Variants in CEMIP observed in about 807,000 individuals in gnomAD.
CEMIP encodes cell migration inducing hyaluronidase 1.
Under a neutral mutation model 156.9 loss-of-function variants are expected in CEMIP, and 105 were observed. The ratio of observed to expected loss-of-function variants is 0.67; its 90% CI spans 0.57 to 0.79. The LOEUF is 0.79. Ranked by LOEUF, CEMIP falls within the 30% of genes least tolerant of loss-of-function variation. The pLI is 0.00. For missense variants in CEMIP, 1,457 were observed against 1,769.4 expected (o/e 0.82, Z 3.17); for synonymous variants, 676 against 668.4 (o/e 1.01, Z -0.17).
chr15:80,920,981 G>T, intron 15 of CEMIP, 51 bp from the exon 16 acceptor site: 1 of 1,508,696 alleles, frequency 6.6e-7, no homozygotes, highest in South Asian at 1.1e-5. Context: ...GTGGCAGGAT[G>T]ACCCCTGGCG....
intron 1 of CEMIP, among the ~76,000 whole-genome samples, chr15:80,823,133 C>T (rs1414334157): frequency 2.0e-5 from 3 of 152,218 alleles, no homozygotes; most frequent in Non-Finnish European, 4.4e-5. Flanking sequence ...AACAGGGTTT[C>T]AGGAAGGGAA....
chr15:80,895,085 C>T lies in CEMIP; in HGVS notation c.1182C>T (p.Cys394=), dbSNP rs141169955. The T allele has an allele frequency of 2.5e-6, 4 of 1,614,090 alleles. No individual in the cohort carries two copies. Among genetic ancestry groups the T allele is most frequent in the African/African-American group, 2.7e-5 (2 of 74,930 alleles). ...CTTGCTACGACCGGGGCAGAGCCTGCCGGAGCTACCGTGTACGGTTCCTCT... is the reference window on the plus strand; with the variant it reads ...CTTGCTACGACCGGGGCAGAGCCTGTCGGAGCTACCGTGTACGGTTCCTCT... ...RFACYDRGRA[C]RSYRVRFLCG... is the part of the protein sequence containing the mutation. Residue 394 remains cysteine, a synonymous_variant, in exon 11 of 30, where the codon TGC becomes TGT. Coordinates refer to ENST00000394685, the MANE Select transcript of CEMIP (RefSeq NM_001293298.2).
At chr15:80,820,637 G>A (rs781235989) in intron 1 of CEMIP, among the ~76,000 whole-genome samples, 2 of 152,164 alleles carry the variant, frequency 1.3e-5, no homozygotes, top group Non-Finnish European at 2.9e-5. Flanking sequence ...CTGTAAAAGG[G>A]GGTAATAATA....
At chr15:80,882,751 CACACAT>C (rs1284059406) in intron 6 of CEMIP, among the ~76,000 whole-genome samples, 1 of 111,444 alleles carries the variant, frequency 9.0e-6, no homozygotes, top group Non-Finnish European at 2.3e-5. Flanking sequence ...AGCGCATGCA[CACACAT>C]ACACACACAC....
intron 1 of CEMIP, among the ~76,000 whole-genome samples, chr15:80,823,651 C>A (rs541893919): frequency 1.3e-5 from 2 of 152,290 alleles, no homozygotes; most frequent in South Asian, 4.1e-4. Context: ...CCCAACTCAA[C>A]CCTGATGGTG....
In CEMIP at chr15:80,920,093, G is replaced by C; in HGVS notation, c.1798-1G>C. On this transcript the variant is annotated splice_acceptor_variant, in intron 14 of 29. Coordinates refer to ENST00000394685, the MANE Select transcript of CEMIP (RefSeq NM_001293298.2). LOFTEE classifies it high-confidence loss of function. ...AAACACCCCTGTCTTGACCCCTGCA[G>C]ATCAAGGACGTTGTGGGCTATAACT... 6.2e-7 allele frequency: 1 copy of C among 1,614,242 alleles called. No homozygotes were observed. Among genetic ancestry groups the C allele is most frequent in the African/African-American group, 1.3e-5 (1 of 75,074 alleles).
At position 80,909,145 on chromosome 15, in the gene CEMIP, C is replaced by A; in HGVS notation, c.1636C>A (p.His546Asn). The change falls in exon 14 of 30, where the codon CAT becomes AAT. Residue 546 changes from histidine (H) to asparagine (N), a missense_variant. His to Asn is a moderately conservative substitution (Grantham distance 68). Transcript: ENST00000394685. ...ACACTTGGAGGGCACGGAGCTGAAG[C>A]ATATGGGACAGCAGCTGGTGGGTCA... is the stretch of plus-strand genomic sequence containing the variant. ...AAHLEGTELK[H>N]MGQQLVGQYP... 6.2e-7 allele frequency: 1 copy of A among 1,614,162 alleles called. No individual in the cohort carries two copies. The highest frequency in any genetic ancestry group is 1.1e-5 in the South Asian group (1 of 91,080).
chr15:80,936,524 G>T, intron 23 of CEMIP, 150 bp from the exon 24 acceptor site: 1 of 749,032 alleles, frequency 1.3e-6, no homozygotes, highest in Non-Finnish European at 2.4e-6. Flanking sequence ...CCCCTTATTT[G>T]GCCTTTCTTT....
intron 14 of CEMIP, among the ~76,000 whole-genome samples, chr15:80,915,811 C>T (rs915088467): frequency 2.7e-5 from 4 of 149,442 alleles, no homozygotes; most frequent in Admixed American, 1.4e-4. Context: ...TTCTTCCACC[C>T]AGTTTTAATC....
intron 4 of CEMIP, among the ~76,000 whole-genome samples, 153 bp from the exon 5 acceptor site, chr15:80,879,563 T>C (rs568254666): frequency 9.2e-5 from 14 of 152,280 alleles, no homozygotes; most frequent in African/African-American, 3.4e-4. Context: ...TGACTTTACT[T>C]GTAAGTACAC....
chr15:80,858,282 T>C (rs1042351764), intron 1 of CEMIP, among the ~76,000 whole-genome samples: 5 of 152,204 alleles, frequency 3.3e-5, no homozygotes, highest in Non-Finnish European at 5.9e-5. Context: ...TTCTTTCCAA[T>C]GTGGGTCACA....
In CEMIP at chr15:80,843,935, G is replaced by A. The variant is rs561921957; in HGVS notation, c.-175-29603G>A. On this transcript the variant is annotated intron_variant, in intron 1 of 29. Coordinates refer to ENST00000394685, the MANE Select transcript of CEMIP (RefSeq NM_001293298.2). Reference sequence around the variant, plus strand: ...TTACAGAAGAAGAAACTGAGGCAGGGAGCAGCCAGTCATTGCCCGAGGCTT... The same window carrying A: ...TTACAGAAGAAGAAACTGAGGCAGGAAGCAGCCAGTCATTGCCCGAGGCTT... 2.6e-5 allele frequency among the ~76,000 whole-genome samples: 4 copies of A among 152,354 alleles called. No individual in the cohort carries two copies. In the East Asian group the frequency reaches 5.8e-4, roughly 22 times the overall value.
At chr15:80,833,788 C>A (rs891710063) in intron 1 of CEMIP, among the ~76,000 whole-genome samples, 6 of 151,758 alleles carry the variant, frequency 4.0e-5, no homozygotes, top group Non-Finnish European at 8.8e-5. Flanking sequence ...CCTGCCTCAG[C>A]CTCCTTAGTA....
intron 12 of CEMIP, among the ~76,000 whole-genome samples, chr15:80,903,361 A>T (rs888375778): frequency 2.0e-5 from 3 of 152,200 alleles, no homozygotes; most frequent in African/African-American, 4.8e-5. Context: ...AAAGACTAAC[A>T]TTGAGTGTGG....
chr15:80,920,147 T>C lies in CEMIP; in HGVS notation c.1851T>C (p.Asp617=). The part of the protein sequence containing the change: ...NSLGHCFFTE[D]GPEERNTFDH... ...TGGGCCACTGCTTCTTCACGGAAGA[T>C]GGGCCGGAGGAACGCAACACTTTTG... Residue 617 remains aspartate, a synonymous_variant, in exon 15 of 30, where the codon GAT becomes GAC. Transcript: ENST00000394685. 2 of 1,614,218 alleles carry C rather than the reference T, an allele frequency of 1.2e-6. No homozygotes were observed. Among genetic ancestry groups the C allele is most frequent in the African/African-American group, 1.3e-5 (1 of 75,056 alleles).
chr15:80,851,904 G>A (rs1232753894), intron 1 of CEMIP, among the ~76,000 whole-genome samples: 2 of 152,136 alleles, frequency 1.3e-5, no homozygotes, highest in Non-Finnish European at 2.9e-5. Flanking sequence ...AGCAGTGTAG[G>A]CGATGGACTG....
At chr15:80,833,815 T>G (rs2141685270) in intron 1 of CEMIP, among the ~76,000 whole-genome samples, 1 of 152,144 alleles carries the variant, frequency 6.6e-6, no homozygotes, top group South Asian at 2.1e-4. Flanking sequence ...ATTACAGGCT[T>G]GCATCACCAC....
At position 80,858,279 on chromosome 15, in the gene CEMIP, C is replaced by T. The variant is rs139689929; in HGVS notation, c.-175-15259C>T. Among the ~76,000 whole-genome samples, 833 of 152,214 alleles carry T rather than the reference C, an allele frequency of 5.5e-3. 12 individuals are homozygous for T. Among genetic ancestry groups the T allele is most frequent in the African/African-American group, 0.015 (638 of 41,522 alleles). On this transcript the variant is annotated intron_variant, in intron 1 of 29. Coordinates refer to ENST00000394685, the MANE Select transcript of CEMIP (RefSeq NM_001293298.2). ...TGGTAGTAAAGATTTTCATTCTTTCCAATGTGGGTCACATTTTCTAGGAAA... is the reference window on the plus strand; with the variant it reads ...TGGTAGTAAAGATTTTCATTCTTTCTAATGTGGGTCACATTTTCTAGGAAA...
chr15:80,937,698 G>A (rs1901181539), intron 24 of CEMIP, 96 bp from the exon 25 acceptor site: 2 of 1,107,888 alleles, frequency 1.8e-6, no homozygotes, highest in Non-Finnish European at 2.7e-6. Flanking sequence ...GGTGTCATTT[G>A]GTGGAGATTT....
Sources: allele counts gnomAD v4.1 joint callset (sites outside exome capture counted in the v4.1 genomes callset), GRCh38; gene constraint gnomAD v4.1.1; transcripts MANE v1.5; gene names NCBI Gene and HGNC (gene_info 2026-07-23, HGNC 2026-07-21).